The following GK5 variants were observed in gnomAD, a reference collection of about 807,000 sequenced individuals.
GK5 encodes the protein glycerol kinase 5, also known as ATP:glycerol 3-phosphotransferase 5.
A neutral mutation model predicts 77.3 loss-of-function variants in GK5; 39 were observed. The observed-to-expected ratio is 0.50, with a 90% CI of 0.39 to 0.66. GK5 has a LOEUF of 0.66. GK5 is among the 30% of genes least tolerant of loss of function. GK5 has a pLI of 0.00. For synonymous variants in GK5, 211 were observed against 208.0 expected, an observed-to-expected ratio of 1.01 and a Z score of -0.13; for missense variants, 487 against 633.8, an observed-to-expected ratio of 0.77 and a Z score of 2.49.
chr3:142,197,324 T>C (rs2063949153), intron 5 of GK5, among the ~76,000 whole-genome samples: 1 of 152,222 alleles, frequency 6.6e-6, no homozygotes, highest in Non-Finnish European at 1.5e-5. Context: ...TTTATAACTG[T>C]TATATATTTA....
In GK5 at chr3:142,172,455, G is replaced by T; in HGVS notation, c.1145C>A (p.Ala382Asp). 1 of 1,542,110 alleles carries T rather than the reference G, an allele frequency of 6.5e-7. No homozygotes were observed. The highest frequency in any genetic ancestry group is 8.9e-7 in the Non-Finnish European group (1 of 1,121,162). ...CFVPSFSGLQ[A>D]PLNDPWACAS... The stretch of plus-strand genomic sequence containing the variant: ...ACATGCCCAGGGGTCATTTAATGGA[G>T]CCTACAGTAAGAGATAACAAGAATA... Residue 382 changes from alanine (A) to aspartate (D), a missense_variant and splice_region_variant, in exon 13 of 16, where the codon GCT becomes GAT. Around this residue, in one of 4 missense-constraint regions of GK5, gnomAD observed 323 missense variants for 437.4 expected, o/e 0.74. Coordinates refer to ENST00000392993, the MANE Select transcript of GK5 (RefSeq NM_001039547.3).
chr3:142,180,937 G>A (rs928403638), intron 11 of GK5, among the ~76,000 whole-genome samples: 5 of 152,144 alleles, frequency 3.3e-5, no homozygotes, highest in Admixed American at 2.0e-4. Context: ...CTAATCTCCA[G>A]GCAAACCACC....
At chr3:142,218,969 A>G (rs1415747657) in intron 1 of GK5, among the ~76,000 whole-genome samples, 1 of 152,226 alleles carries the variant, frequency 6.6e-6, no homozygotes, top group Non-Finnish European at 1.5e-5. Context: ...AAACATGTGG[A>G]TTACAAATAT....
At position 142,186,223 on chromosome 3, in the gene GK5, A is replaced by C; in HGVS notation, c.726T>G (p.Leu242=). The change falls in exon 8 of 16, where the codon CTT becomes CTG. Residue 242 remains leucine, a synonymous_variant. Transcript: ENST00000392993. ...GMITSLISIP[L]SLLPPVRDTS... ...TGTCCCTCACAGGAGGTAGGAGAGA[A>C]AGTGGTATCGAAATTAGAGAGGTAA... The C allele has an allele frequency of 6.2e-7, 1 of 1,605,072 alleles. No homozygotes were observed. Among genetic ancestry groups the C allele is most frequent in the Non-Finnish European group, 8.5e-7 (1 of 1,171,886 alleles).
In GK5 at chr3:142,159,847, C is replaced by CTTTTTTTT. The variant is rs1407448771; in HGVS notation, c.*5774_*5775insAAAAAAAA. On this transcript the variant is annotated 3_prime_UTR_variant, in exon 16 of 16. Transcript: ENST00000392993. The stretch of plus-strand genomic sequence containing the variant: ...TGGGGCTTTCTCTCTCTCTCTCTCT[C>CTTTTTTTT]TCTCTCTTTTTTTTTTTTGAGACAG... 2 of 103,156 alleles carry CTTTTTTTT rather than the reference C, an allele frequency of 1.9e-5. No individual in the cohort carries two copies. Among genetic ancestry groups the CTTTTTTTT allele is most frequent in the African/African-American group, 8.0e-5 (2 of 25,148 alleles). The allele number at this position is 103,156 out of a possible 1,614,324, so 6.4% of individuals were successfully genotyped here.
At chr3:142,204,138 C>T (rs1019888903) in intron 4 of GK5, 3 of 167,802 alleles carry the variant, frequency 1.8e-5, no homozygotes, top group Non-Finnish European at 2.6e-5. Context: ...CTCACCTCAG[C>T]CTACCAAGTA....
intron 5 of GK5, among the ~76,000 whole-genome samples, chr3:142,195,158 G>T (rs934080638): frequency 2.6e-5 from 4 of 151,740 alleles, no homozygotes; most frequent in Non-Finnish European, 5.9e-5. Context: ...TATTAATATG[G>T]TGTATATTAA....
intron 12 of GK5, among the ~76,000 whole-genome samples, chr3:142,176,407 A>C (rs1440068351): frequency 6.6e-6 from 1 of 152,070 alleles, no homozygotes. Flanking sequence ...AAATAGTATG[A>C]GCTTTCCCAA....
At chr3:142,204,223 G>C (rs2064069575) in intron 4 of GK5, 1 of 226,988 alleles carries the variant, frequency 4.4e-6, no homozygotes, top group African/African-American at 2.3e-5. Context: ...TTACCATGTT[G>C]CCCAAGCTGG....
chr3:142,187,604 CAAAAAA>C (rs57206350), intron 6 of GK5, 94 bp downstream of exon 6: 13 of 659,042 alleles, frequency 2.0e-5, no homozygotes, highest in Admixed American at 6.7e-5. Context: ...GACCCTAGCT[CAAAAAA>C]AAAAAAAAAA....
chr3:142,199,700 T>C (rs1408710418), intron 4 of GK5, among the ~76,000 whole-genome samples: 1 of 151,754 alleles, frequency 6.6e-6, no homozygotes, highest in Non-Finnish European at 1.5e-5. Flanking sequence ...GCAAAATCTT[T>C]AATTTACAAA....
intron 1 of GK5, among the ~76,000 whole-genome samples, chr3:142,221,348 C>CA (rs969260729): frequency 3.4e-4 from 52 of 152,238 alleles, no homozygotes; most frequent in African/African-American, 1.1e-3. Context: ...CCAGAAAACT[C>CA]AATGTGGATA....
intron 3 of GK5, among the ~76,000 whole-genome samples, chr3:142,205,745 G>T (rs1054974270): frequency 6.6e-6 from 1 of 151,884 alleles, no homozygotes; most frequent in African/African-American, 2.4e-5. Flanking sequence ...AAAAAAAATT[G>T]TGGCAAAATA....
chr3:142,173,671 A>G (rs907470715), intron 12 of GK5, among the ~76,000 whole-genome samples: 2 of 150,922 alleles, frequency 1.3e-5, no homozygotes, highest in African/African-American at 2.5e-5. Flanking sequence ...GCAACAGAGC[A>G]AGACTCCGTC....
chr3:142,191,987 G>T (rs183076748), intron 5 of GK5, among the ~76,000 whole-genome samples: 16 of 152,202 alleles, frequency 1.1e-4, no homozygotes, highest in Non-Finnish European at 2.9e-5. Context: ...GACAGAGCAA[G>T]AATCTGTCTC....
intron 2 of GK5, among the ~76,000 whole-genome samples, chr3:142,214,333 C>A (rs2064241972): frequency 6.6e-6 from 1 of 152,128 alleles, no homozygotes; most frequent in African/African-American, 2.4e-5. Context: ...GAAGCTGAGA[C>A]CTTATTTTCA....
At position 142,177,546 on chromosome 3, in the gene GK5, T is replaced by G. The variant is rs777749618; in HGVS notation, c.1079A>C (p.Lys360Thr). 8 of 1,613,158 alleles carry G rather than the reference T, an allele frequency of 5.0e-6. No homozygotes were observed. The highest frequency in any genetic ancestry group is 1.6e-4 in the Middle Eastern group (1 of 6,062). The change falls in exon 12 of 16, where the codon AAA becomes ACA. Residue 360 changes from lysine (K) to threonine (T), a missense_variant. Transcript: ENST00000392993. The part of the protein sequence containing the change: ...DLFTDAAETE[K>T]MAKSLEDSEG... The stretch of plus-strand genomic sequence containing the variant: ...AGAATCCTCCAAACTTTTGGCCATT[T>G]TTTCAGTCTCAGCAGCATCTGTGAA...
At chr3:142,190,981 T>G (rs1247609745) in intron 5 of GK5, among the ~76,000 whole-genome samples, 4 of 152,200 alleles carry the variant, frequency 2.6e-5, no homozygotes, top group Non-Finnish European at 5.9e-5. Context: ...GTAACATTAC[T>G]GGATTAAAGG....
intron 5 of GK5, among the ~76,000 whole-genome samples, chr3:142,194,585 T>C (rs1560223582): frequency 2.6e-5 from 4 of 151,662 alleles, no homozygotes. Flanking sequence ...CCAGCTACTC[T>C]GGCGGCTGAA....
Sources: allele counts gnomAD v4.1 joint callset (sites outside exome capture counted in the v4.1 genomes callset), GRCh38; gene constraint gnomAD v4.1.1; regional missense constraint gnomAD v4.1.1; transcripts MANE v1.5; gene names NCBI Gene and HGNC (gene_info 2026-07-23, HGNC 2026-07-21).